XPO5: variants seen among roughly 807,000 people sequenced by gnomAD.
XPO5 encodes exportin 5.
A neutral mutation model predicts 160.6 loss-of-function variants in XPO5; 46 were observed. The observed-to-expected ratio is 0.29, with a 90% CI of 0.23 to 0.37. The LOEUF is 0.37. XPO5 is among the 10% of genes least tolerant of loss of function. The pLI is 1.00. For synonymous variants in XPO5, 537 were observed against 519.3 expected (o/e 1.03, Z -0.46); for missense variants, 1,090 against 1,463.9 (o/e 0.74, Z 4.17).
chr6:43,536,758 T>TAAAAAAAAAAAAAA (rs1156884252), intron 20 of XPO5, among the ~76,000 whole-genome samples: 5 of 19,100 alleles, frequency 2.6e-4, no homozygotes, highest in Admixed American at 8.9e-4. Context: ...AGACTCTATC[T>TAAAAAAAAAAAAAA]AAAAAAAAAA....
chr6:43,560,701 A>T (rs1339322406), intron 10 of XPO5, among the ~76,000 whole-genome samples: 2 of 152,204 alleles, frequency 1.3e-5, no homozygotes, highest in Non-Finnish European at 2.9e-5. Context: ...GACTGAGTAC[A>T]ATCAGAATAT....
At chr6:43,571,630 C>A (rs373274354) in intron 3 of XPO5, among the ~76,000 whole-genome samples, 1 of 152,064 alleles carries the variant, frequency 6.6e-6, no homozygotes, top group South Asian at 2.1e-4. Context: ...CACAGTGAGA[C>A]CCTGTCTCTC....
chr6:43,555,627 T>A, intron 13 of XPO5: 1 of 461,078 alleles, frequency 2.2e-6, no homozygotes, highest in East Asian at 3.6e-5. Flanking sequence ...AGGACATGGT[T>A]TTACCCTAAT....
At chr6:43,538,096 A>G (rs1366677607) in intron 20 of XPO5, among the ~76,000 whole-genome samples, 2 of 149,932 alleles carry the variant, frequency 1.3e-5, no homozygotes, top group South Asian at 2.1e-4. Flanking sequence ...AAAAAAAAAA[A>G]AAAAAAGGCA....
chr6:43,523,556 G>A lies in XPO5; in HGVS notation c.*312C>T, dbSNP rs140688078. The A allele has an allele frequency of 7.5e-6, 4 of 535,520 alleles. No individual in the cohort carries two copies. In the African/African-American group the frequency reaches 7.6e-5, roughly 10 times the overall value. The allele number at this position is 535,520 out of a possible 1,614,324, so 33.2% of individuals were successfully genotyped here. A position where few individuals can be genotyped will look rare whatever the true frequency, so the allele number is the denominator to read the frequency against. ...TGTACAGGTATGTGGCTGCACGGGG[G>A]TGGGAGGGCTTGTGGGAGAAGGGCT... On this transcript the variant is annotated 3_prime_UTR_variant, in exon 32 of 32. Transcript: ENST00000265351.
chr6:43,550,764 C>T (rs541322085), intron 15 of XPO5, among the ~76,000 whole-genome samples: 9 of 152,254 alleles, frequency 5.9e-5, no homozygotes, highest in South Asian at 4.2e-4. Flanking sequence ...TCTTTAGTCC[C>T]GTTCTCCTTT....
Position 43,522,659 on chromosome 6 carries a change from C to G in XPO5, c.*1209G>C, listed in dbSNP as rs1436328264. Reference sequence around the variant, plus strand: ...CTTCTCAATCTGACCCTGCCTGTGGCCCGCACCAGCTAAAAACTGTAGCTT... The same window carrying G: ...CTTCTCAATCTGACCCTGCCTGTGGGCCGCACCAGCTAAAAACTGTAGCTT... On this transcript the variant is annotated 3_prime_UTR_variant, in exon 32 of 32. Transcript: ENST00000265351. The G allele has an allele frequency of 2.1e-6, 1 of 465,396 alleles. No individual in the cohort carries two copies. Among genetic ancestry groups the G allele is most frequent in the African/African-American group, 2.0e-5 (1 of 50,272 alleles). The allele number at this position is 465,396 out of a possible 1,614,324, so 28.8% of individuals were successfully genotyped here. A position where few individuals can be genotyped will look rare whatever the true frequency, so the allele number is the denominator to read the frequency against.
rs138393035 is a variant in XPO5 at position 43,524,213 on chromosome 6, G to A, written c.3478-208C>T. ...CTAAAAATACAAAAAGTAGCCAGACGTGGTGGTGCATGCCTGTAATCCCAG... is the reference window on the plus strand; with the variant it reads ...CTAAAAATACAAAAAGTAGCCAGACATGGTGGTGCATGCCTGTAATCCCAG... On this transcript the variant is annotated intron_variant, in intron 31 of 31. Coordinates refer to ENST00000265351, the MANE Select transcript of XPO5 (RefSeq NM_020750.3). Among the ~76,000 whole-genome samples the A allele has an allele frequency of 3.0e-3, 452 of 152,222 alleles. 3 individuals carry two copies. The highest frequency in any genetic ancestry group is 0.01 in the African/African-American group (432 of 41,540).
chr6:43,560,114 C>A, intron 11 of XPO5, 64 bp downstream of exon 11: 2 of 1,555,902 alleles, frequency 1.3e-6, no homozygotes, highest in South Asian at 1.2e-5. Flanking sequence ...CCACCGCACC[C>A]AGCCTCAAAG....
chr6:43,548,565 A>T, intron 17 of XPO5, 105 bp from the exon 18 acceptor site: 1 of 1,042,290 alleles, frequency 9.6e-7, no homozygotes, highest in Non-Finnish European at 1.3e-6. Context: ...GTCCCAGGAA[A>T]GTCAGGCCTA....
chr6:43,527,853 A>C (rs959888829), intron 25 of XPO5, 122 bp from the exon 26 acceptor site: 2 of 1,023,980 alleles, frequency 2.0e-6, no homozygotes, highest in Non-Finnish European at 2.9e-6. Context: ...GTTTTATGCA[A>C]AAGTTGGGAA....
intron 12 of XPO5, 135 bp from the exon 13 acceptor site, chr6:43,556,099 A>T (rs375399484): frequency 8.5e-7 from 1 of 1,177,404 alleles, no homozygotes; most frequent in Non-Finnish European, 1.2e-6. Flanking sequence ...CTTTGCATGT[A>T]ATAATCACTC....
chr6:43,528,970 C>T, intron 23 of XPO5, 45 bp from the exon 24 acceptor site: 1 of 1,560,898 alleles, frequency 6.4e-7, no homozygotes, highest in Non-Finnish European at 8.7e-7. Context: ...GCACACATCT[C>T]TCACCTGCCA....
At position 43,546,695 on chromosome 6, in the gene XPO5, C is replaced by T; in HGVS notation, c.2218G>A (p.Asp740Asn). The change falls in exon 20 of 32, where the codon GAC becomes AAC. Residue 740 changes from aspartate (D) to asparagine (N), a missense_variant. Physicochemically the swap from Asp to Asn is conservative, Grantham distance 23. Coordinates refer to ENST00000265351, the MANE Select transcript of XPO5 (RefSeq NM_020750.3). ...CCCCCAGCTTTGGCCTCTTCTAGGT[C>T]AGTGGGCCAGCAAGTTCGTTTCACC... ...GVVKRTCWPT[D>N]LEEAKAGGFV... 6.2e-7 allele frequency: 1 copy of T among 1,612,650 alleles called. No individual in the cohort carries two copies. The highest frequency in any genetic ancestry group is 8.5e-7 in the Non-Finnish European group (1 of 1,179,480).
intron 12 of XPO5, 115 bp downstream of exon 12, chr6:43,558,386 T>A (rs1002061004): frequency 1.1e-6 from 1 of 873,276 alleles, no homozygotes; most frequent in Non-Finnish European, 1.7e-6. Flanking sequence ...ATAAGTAGGC[T>A]GCTATCCAGA....
At chr6:43,552,151 G>A (rs189537963) in intron 14 of XPO5, among the ~76,000 whole-genome samples, 211 of 152,224 alleles carry the variant, frequency 1.4e-3, no homozygotes, top group African/African-American at 4.9e-3. Context: ...TCCACCTCCT[G>A]GGTTCAAGTG....
rs775874042 is a variant in XPO5, at chr6:43,572,594, C to A, written c.228-16G>T. ...CCACCGAAACCTGACCACCAAAATG[C>A]ATAAAGTCAATAGAACCACTTTAGA... On this transcript the variant is annotated splice_polypyrimidine_tract_variant and intron_variant, in intron 2 of 31. Transcript: ENST00000265351. 7.4e-6 allele frequency: 12 copies of A among 1,613,640 alleles called. No homozygotes were observed. Among genetic ancestry groups the A allele is most frequent in the Non-Finnish European group, 9.3e-6 (11 of 1,179,682 alleles).
At chr6:43,527,524 G>A (rs1420048993) in intron 26 of XPO5, 110 bp downstream of exon 26, 6 of 1,077,908 alleles carry the variant, frequency 5.6e-6, no homozygotes, top group South Asian at 2.9e-5. Context: ...CACCATGCCC[G>A]CCGCAAACAT....
chr6:43,539,671 A>AG, intron 20 of XPO5: 1 of 1,025,520 alleles, frequency 9.8e-7, no homozygotes, highest in Non-Finnish European at 1.4e-6. Context: ...CAGGGCCTCC[A>AG]GGCCCCCCCA....
Sources: gnomAD v4.1 joint callset for allele counts (sites outside exome capture counted in the v4.1 genomes callset) on GRCh38, gnomAD v4.1.1 for gene constraint, MANE v1.5 for transcripts, NCBI Gene and HGNC (gene_info 2026-07-23, HGNC 2026-07-21) for gene names.